Variants in AGBL4 observed in about 807,000 individuals in gnomAD.
AGBL4 encodes the protein AGBL carboxypeptidase 4, also known as cytosolic carboxypeptidase 6.
AGBL4 carries 58 observed loss-of-function variants against 66.4 expected under a neutral mutation model. That is an observed-to-expected ratio of 0.87 (90% CI 0.71 to 1.09). The LOEUF (loss-of-function observed/expected upper bound fraction) is 1.09, where lower values mean the gene tolerates loss of function less well. AGBL4 is among the 50% of genes least tolerant of loss of function. AGBL4 has a pLI of 0.00. For synonymous variants in AGBL4, 234 were observed against 222.9 expected (o/e 1.05, Z -0.44); for missense variants, 579 against 631.0 (o/e 0.92, Z 0.88).
chr1:49,014,844 T>C (rs1367908576), intron 5 of AGBL4, among the ~76,000 whole-genome samples: 1 of 152,206 alleles, frequency 6.6e-6, no homozygotes, highest in African/African-American at 2.4e-5. Flanking sequence ...AAGACAATGT[T>C]ATTATTCATT....
chr1:49,770,424 C>T (rs757017537), intron 2 of AGBL4, among the ~76,000 whole-genome samples: 1 of 151,956 alleles, frequency 6.6e-6, no homozygotes, highest in East Asian at 1.9e-4. Context: ...TTCAGTTTGC[C>T]GGTGTCTTTT....
intron 4 of AGBL4, among the ~76,000 whole-genome samples, chr1:49,142,300 A>C (rs1646133261): frequency 6.6e-6 from 1 of 152,032 alleles, no homozygotes; most frequent in Admixed American, 6.6e-5. Flanking sequence ...CCCACCTGTA[A>C]ACATTTCCTG....
At chr1:49,399,325 G>T (rs760044825) in intron 3 of AGBL4, among the ~76,000 whole-genome samples, 1 of 152,050 alleles carries the variant, frequency 6.6e-6, no homozygotes, top group South Asian at 2.1e-4. Flanking sequence ...ATACCTCTTC[G>T]ATATACTGAT....
chr1:49,319,478 C>A (rs1645095078), intron 3 of AGBL4, among the ~76,000 whole-genome samples: 1 of 152,158 alleles, frequency 6.6e-6, no homozygotes, highest in Non-Finnish European at 1.5e-5. Context: ...AGAACTCAGC[C>A]TTTTTCTATT....
intron 2 of AGBL4, among the ~76,000 whole-genome samples, chr1:49,766,087 A>C (rs1385824231): frequency 2.0e-5 from 3 of 152,212 alleles, no homozygotes; most frequent in Admixed American, 2.0e-4. Flanking sequence ...TCCAGAGTAC[A>C]TCTGCCAAAT....
At chr1:48,872,925 C>A (rs865853063) in intron 5 of AGBL4, among the ~76,000 whole-genome samples, 7 of 152,152 alleles carry the variant, frequency 4.6e-5, no homozygotes, top group African/African-American at 7.2e-5. Flanking sequence ...TGGGGGAATG[C>A]ACTGGTTGAA....
Position 49,509,963 on chromosome 1 carries a change from G to A in AGBL4, c.282+187350C>T, listed in dbSNP as rs576020079. 4.7e-4 allele frequency among the ~76,000 whole-genome samples: 71 copies of A among 152,098 alleles called. 1 individual carries two copies. Among genetic ancestry groups the A allele is most frequent in the African/African-American group, 1.2e-3 (50 of 41,536 alleles). Reference sequence around the variant, plus strand: ...CTACTGAACTCTTGTATCTCAATCTGACAATTCAGCCTTTTATTCAAGGAT... The same window carrying A: ...CTACTGAACTCTTGTATCTCAATCTAACAATTCAGCCTTTTATTCAAGGAT... On this transcript the variant is annotated intron_variant, in intron 3 of 13. Transcript: ENST00000371839.
At chr1:49,328,246 G>C (rs909694833) in intron 3 of AGBL4, among the ~76,000 whole-genome samples, 1 of 152,126 alleles carries the variant, frequency 6.6e-6, no homozygotes, top group Non-Finnish European at 1.5e-5. Flanking sequence ...CATGATTTTG[G>C]TTTCCATTTC....
At chr1:48,530,634 G>T (rs1388240959), downstream of AGBL4, among the ~76,000 whole-genome samples, 1 of 152,118 alleles carries the variant, frequency 6.6e-6, no homozygotes, top group African/African-American at 2.4e-5. Context: ...CGAAGAAACT[G>T]GGTAACCTCC....
rs947823212 is a variant in AGBL4, at chr1:48,637,975, C to T, written c.840-3371G>A. Reference sequence around the variant, plus strand: ...GAGCATCTAAATATTTAGAAAGGTACATTACCCTTGACAACAGGATGTAAT... The same window carrying T: ...GAGCATCTAAATATTTAGAAAGGTATATTACCCTTGACAACAGGATGTAAT... On this transcript the variant is annotated intron_variant, in intron 8 of 13. Coordinates refer to ENST00000371839, the MANE Select transcript of AGBL4 (RefSeq NM_032785.4). 7.2e-5 allele frequency among the ~76,000 whole-genome samples: 11 copies of T among 152,282 alleles called. No individual in the cohort carries two copies. The East Asian group carries it at 1.5e-3, about 21-fold the overall frequency.
intron 3 of AGBL4, among the ~76,000 whole-genome samples, chr1:49,666,601 T>G (rs916457262): frequency 4.0e-5 from 6 of 151,536 alleles, no homozygotes; most frequent in African/African-American, 1.5e-4. Context: ...AAATAAAAAT[T>G]AAAATTAAAA....
chr1:49,762,978 C>A (rs1298603054), intron 2 of AGBL4, among the ~76,000 whole-genome samples: 2 of 152,160 alleles, frequency 1.3e-5, no homozygotes, highest in East Asian at 3.9e-4. Flanking sequence ...TAAAGTATTT[C>A]TCCTGTTTTC....
chr1:48,609,315 C>T (rs186221243), intron 9 of AGBL4, among the ~76,000 whole-genome samples: 1 of 152,298 alleles, frequency 6.6e-6, no homozygotes, highest in East Asian at 1.9e-4. Context: ...CCACAAAAAG[C>T]CTTCATGATC....
intron 3 of AGBL4, among the ~76,000 whole-genome samples, chr1:49,423,704 A>G (rs879726957): frequency 6.0e-5 from 9 of 150,582 alleles, no homozygotes; most frequent in African/African-American, 1.7e-4. Context: ...CCCAGCTACT[A>G]GGGAAGCTGA....
intron 4 of AGBL4, among the ~76,000 whole-genome samples, chr1:49,050,623 C>A (rs1351392544): frequency 6.6e-6 from 1 of 152,038 alleles, no homozygotes; most frequent in Non-Finnish European, 1.5e-5. Context: ...CTATTCCTTG[C>A]CTTTTTAAAT....
intron 11 of AGBL4, among the ~76,000 whole-genome samples, chr1:48,544,156 T>C (rs1327493090): frequency 3.3e-5 from 5 of 152,216 alleles, no homozygotes; most frequent in Non-Finnish European, 7.3e-5. Flanking sequence ...CCTCTGGATG[T>C]GACTGACCTC....
At chr1:49,874,406 A>C (rs114630835) in intron 1 of AGBL4, among the ~76,000 whole-genome samples, 1,692 of 152,202 alleles carry the variant, frequency 0.011, 26 homozygotes, top group African/African-American at 0.039. Context: ...GATTATAGTG[A>C]AGGTTACATT....
chr1:49,527,219 C>T (rs796523955), intron 3 of AGBL4: 6 of 152,146 alleles, frequency 3.9e-5, no homozygotes, highest in African/African-American at 1.2e-4. Context: ...GAACATTGTA[C>T]TCTTTCTCCA....
chr1:48,984,290 A>C (rs193093041), intron 5 of AGBL4, among the ~76,000 whole-genome samples: 4 of 151,772 alleles, frequency 2.6e-5, no homozygotes, highest in Non-Finnish European at 5.9e-5. Flanking sequence ...TACCTTGTCC[A>C]TGGTCACACA....
Sources: allele counts gnomAD v4.1 joint callset (sites outside exome capture counted in the v4.1 genomes callset), GRCh38; gene constraint gnomAD v4.1.1; transcripts MANE v1.5; gene names NCBI Gene and HGNC (gene_info 2026-07-23, HGNC 2026-07-21).